Variants in RIMBP2 observed in about 807,000 individuals in gnomAD.
The protein encoded by RIMBP2 is RIMS binding protein 2.
A neutral mutation model predicts 118.6 loss-of-function variants in RIMBP2; 48 were observed. The observed-to-expected ratio is 0.40, with a 90% CI of 0.32 to 0.51. The LOEUF (loss-of-function observed/expected upper bound fraction) is 0.51, where lower values mean the gene tolerates loss of function less well. Among genes scored for constraint, RIMBP2 ranks in the 20% least tolerant of loss-of-function variants. RIMBP2 has a pLI of 0.41. For missense variants in RIMBP2, 1,551 were observed against 1,768.3 expected, an observed-to-expected ratio of 0.88 and a Z score of 2.20; for synonymous variants, 762 against 742.9, an observed-to-expected ratio of 1.03 and a Z score of -0.42.
rs1334660376 is a variant in RIMBP2 at position 130,450,220 on chromosome 12, G to A, written c.561C>T (p.His187=). ...TSKQRYSGKV[H]LCVARYSYNP... is the part of the protein sequence containing the mutation. ...CTTACCTATAGCGGGCAACACAGAGGTGGACCTTCCCCGAGTATCTCTGCT... is the reference window on the plus strand; with the variant it reads ...CTTACCTATAGCGGGCAACACAGAGATGGACCTTCCCCGAGTATCTCTGCT... The change falls in exon 9 of 23, where the codon CAC becomes CAT. Residue 187 remains histidine (H), a synonymous_variant. Transcript: ENST00000690449. The surrounding 1 kb of genome is among the most constrained non-coding windows in gnomAD (Gnocchi z 4.8). 1.2e-6 allele frequency: 2 copies of A among 1,608,736 alleles called. No homozygotes were observed. The highest frequency in any genetic ancestry group is 1.7e-6 in the Non-Finnish European group (2 of 1,177,196).
chr12:130,696,028 T>A (rs2065553899), intron 1 of RIMBP2, among the ~76,000 whole-genome samples: 1 of 152,122 alleles, frequency 6.6e-6, no homozygotes, highest in Admixed American at 6.5e-5. Context: ...ATTTCAGATG[T>A]GCATTGGGTC....
At chr12:130,663,162 G>A (rs1482505704) in intron 1 of RIMBP2, among the ~76,000 whole-genome samples, 2 of 152,140 alleles carry the variant, frequency 1.3e-5, no homozygotes, top group African/African-American at 4.8e-5. Context: ...GAGGATAACA[G>A]GGTGGAGGGA....
intron 1 of RIMBP2, among the ~76,000 whole-genome samples, chr12:130,709,841 G>A (rs1443356558): frequency 6.6e-6 from 1 of 152,016 alleles, no homozygotes; most frequent in East Asian, 1.9e-4. Context: ...GCACCCCCAG[G>A]CCCCCTCAGG....
chr12:130,399,944 TGAAAG>T (rs2074370765), intron 21 of RIMBP2, 131 bp from the exon 22 acceptor site: 5 of 1,016,194 alleles, frequency 4.9e-6, no homozygotes, highest in East Asian at 5.1e-5. Context: ...TGGCAGGACT[TGAAAG>T]GACTCTAAAT....
At chr12:130,706,701 T>G (rs555411717) in intron 1 of RIMBP2, among the ~76,000 whole-genome samples, 1 of 152,322 alleles carries the variant, frequency 6.6e-6, no homozygotes, top group African/African-American at 2.4e-5. Flanking sequence ...TTTTGACAGT[T>G]AAATGAGCTA....
intron 2 of RIMBP2, among the ~76,000 whole-genome samples, chr12:130,611,510 C>T (rs961157364): frequency 1.3e-5 from 2 of 152,228 alleles, no homozygotes; most frequent in African/African-American, 2.4e-5. Flanking sequence ...TGCCGGCTAC[C>T]GGGCTTCGCT....
At chr12:130,626,527 C>A (rs545060081) in intron 2 of RIMBP2, among the ~76,000 whole-genome samples, 1 of 150,312 alleles carries the variant, frequency 6.7e-6, no homozygotes, top group Admixed American at 6.6e-5. Flanking sequence ...GGCATCACCA[C>A]CATCTTCTCC....
chr12:130,673,954 C>A (rs371026823), intron 1 of RIMBP2, among the ~76,000 whole-genome samples: 76 of 142,694 alleles, frequency 5.3e-4, no homozygotes, highest in Middle Eastern at 3.6e-3. Flanking sequence ...TTTAAAAATA[C>A]AAAAAAAAAA....
intron 1 of RIMBP2, among the ~76,000 whole-genome samples, chr12:130,646,418 A>T (rs80239023): frequency 0.011 from 243 of 21,598 alleles, 12 homozygotes; most frequent in East Asian, 0.017. Context: ...CACCTCCCTC[A>T]CCACTTCCCT....
chr12:130,540,809 G>A (rs2054537963), intron 2 of RIMBP2, among the ~76,000 whole-genome samples: 1 of 152,184 alleles, frequency 6.6e-6, no homozygotes, highest in South Asian at 2.1e-4. Context: ...CTCAGTGAGT[G>A]GCTTTCTGCG....
rs2064880241 is a variant in RIMBP2 at position 130,683,212 on chromosome 12, A to C, written c.-352+33010T>G. ...GAGGTAGAAAAGGACACACACAGAC[A>C]CGGGAAAGCTCACACGGATGGCAGT... is the stretch of plus-strand genomic sequence containing the variant. On this transcript the variant is annotated intron_variant, in intron 1 of 22. Coordinates refer to ENST00000690449, the MANE Select transcript of RIMBP2 (RefSeq NM_001393629.1). This position sits in a 1 kb window ranked among gnomAD's most constrained non-coding sequence, Gnocchi z 4.4. Among the ~76,000 whole-genome samples, 1 of 152,170 alleles carries C rather than the reference A, an allele frequency of 6.6e-6. No individual in the cohort carries two copies. The highest frequency in any genetic ancestry group is 2.4e-5 in the African/African-American group (1 of 41,442).
Position 130,431,392 on chromosome 12 carries a change from C to G in RIMBP2, c.2254-3055G>C. ...GTAAAACTGGCAGTCTGTGCACCAG[C>G]TCAACTTCAGTCACTCCCTACCACT... On this transcript the variant is annotated intron_variant, in intron 14 of 22. Coordinates refer to ENST00000690449, the MANE Select transcript of RIMBP2 (RefSeq NM_001393629.1). The surrounding 1 kb of genome is among the most constrained non-coding windows in gnomAD (Gnocchi z 4.0). 2.6e-6 allele frequency: 1 copy of G among 384,394 alleles called. No individual in the cohort carries two copies. The highest frequency in any genetic ancestry group is 5.4e-6 in the Non-Finnish European group (1 of 184,506). 23.8% of individuals were successfully genotyped at this position (384,394 alleles called of 1,614,324 possible).
intron 2 of RIMBP2, among the ~76,000 whole-genome samples, chr12:130,567,266 G>A (rs2057286222): frequency 6.6e-6 from 1 of 152,146 alleles, no homozygotes; most frequent in African/African-American, 2.4e-5. Flanking sequence ...ATGTTTGCAG[G>A]CCCCAGGTTT....
intron 1 of RIMBP2, among the ~76,000 whole-genome samples, chr12:130,681,590 A>T (rs1188323403): frequency 1.3e-5 from 2 of 152,202 alleles, no homozygotes; most frequent in African/African-American, 4.8e-5. Context: ...TTTAAGCAAC[A>T]CTTTAAGATG....
intron 2 of RIMBP2, among the ~76,000 whole-genome samples, chr12:130,557,322 C>T (rs1160950312): frequency 6.6e-6 from 1 of 152,138 alleles, no homozygotes; most frequent in Non-Finnish European, 1.5e-5. Context: ...GCTTCAGCCC[C>T]CAACTGTCAC....
At position 130,558,200 on chromosome 12, in the gene RIMBP2, GT is replaced by G. The variant is rs144161629; in HGVS notation, c.-216-40284del. ...ACTTTTCCTGGGGTCATTCTTGCCG[GT>G]TTTTTTAGCTGACAGCATCCACTCA... On this transcript the variant is annotated intron_variant, in intron 2 of 22. Transcript: ENST00000690449. 3.1e-3 allele frequency among the ~76,000 whole-genome samples: 471 copies of G among 152,216 alleles called. 3 individuals are homozygous for G. The highest frequency in any genetic ancestry group is 5.3e-3 in the Non-Finnish European group (360 of 68,006).
At chr12:130,498,276 C>T (rs1025899105) in intron 4 of RIMBP2, among the ~76,000 whole-genome samples, 1 of 152,222 alleles carries the variant, frequency 6.6e-6, no homozygotes, top group Non-Finnish European at 1.5e-5. Flanking sequence ...TCTGCAGTGC[C>T]GGTCGGTTCA....
chr12:130,646,142 A>ACCACTTCCCTCT lies in RIMBP2; in HGVS notation c.-351-17687_-351-17686insAGAGGGAAGTGG, dbSNP rs2062905490. On this transcript the variant is annotated intron_variant, in intron 1 of 22. Coordinates refer to ENST00000690449, the MANE Select transcript of RIMBP2 (RefSeq NM_001393629.1). ...CACCACCTGCCTCTCCACCTCCCTC[A>ACCACTTCCCTCT]CCACCTGCCTCTCCACCTCCCTCAC... Among the ~76,000 whole-genome samples, 3 of 38,178 alleles carry ACCACTTCCCTCT rather than the reference A, an allele frequency of 7.9e-5. 1 individual carries two copies. Among genetic ancestry groups the ACCACTTCCCTCT allele is most frequent in the Non-Finnish European group, 1.5e-4 (3 of 20,028 alleles). The allele number at this position is 38,178 out of a possible 152,430, so 25.0% of individuals were successfully genotyped here.
intron 1 of RIMBP2, among the ~76,000 whole-genome samples, chr12:130,646,404 T>TCACCAC (rs2062961331): frequency 4.4e-5 from 6 of 135,060 alleles, no homozygotes; most frequent in Admixed American, 7.4e-5. Context: ...ACCACCTGCC[T>TCACCAC]CTCCACCTCC....
Sources: allele counts gnomAD v4.1 joint callset (sites outside exome capture counted in the v4.1 genomes callset), GRCh38; gene constraint gnomAD v4.1.1; non-coding constraint Gnocchi (gnomAD v3.1); transcripts MANE v1.5; gene names NCBI Gene and HGNC (gene_info 2026-07-23, HGNC 2026-07-21).